The following SATB2 variants were observed in gnomAD, a reference collection of about 807,000 sequenced individuals.
The protein encoded by SATB2 is SATB homeobox 2, also known as DNA-binding protein SATB2.
SATB2 carries 1 observed loss-of-function variant against 73.4 expected under a neutral mutation model. That is an observed-to-expected ratio of 0.01 (90% CI 0.00 to 0.06). SATB2 has a LOEUF of 0.06. Ranked by LOEUF, SATB2 falls within the 10% of genes least tolerant of loss-of-function variation. SATB2 has a pLI of 1.00. For missense variants in SATB2, 459 were observed against 945.8 expected (o/e 0.49, Z 6.75); for synonymous variants, 397 against 367.0 (o/e 1.08, Z -0.93).
At chr2:199,283,720 C>T (rs191965405) in intron 10 of SATB2, among the ~76,000 whole-genome samples, 305 of 152,044 alleles carry the variant, frequency 2.0e-3, no homozygotes, top group African/African-American at 5.0e-3. Flanking sequence ...TTCACTGCCA[C>T]ACGCTCATGG....
chr2:199,403,797 G>C (rs543320701), intron 3 of SATB2, among the ~76,000 whole-genome samples: 1 of 152,172 alleles, frequency 6.6e-6, no homozygotes, highest in Non-Finnish European at 1.5e-5. Flanking sequence ...AAAGTGGCTG[G>C]ATTGGAACAC....
chr2:199,349,329 T>C (rs1688747520), intron 6 of SATB2, among the ~76,000 whole-genome samples, 156 bp from the exon 7 acceptor site: 2 of 152,220 alleles, frequency 1.3e-5, no homozygotes, highest in Non-Finnish European at 2.9e-5. Context: ...TGATATTCTT[T>C]TCTGCTAAAT....
chr2:199,293,358 G>C (rs1011814415), intron 10 of SATB2, among the ~76,000 whole-genome samples: 2 of 151,914 alleles, frequency 1.3e-5, no homozygotes, highest in African/African-American at 4.8e-5. Context: ...ATGAAAATTT[G>C]GTTGTCATAA....
At chr2:199,443,539 C>CA (rs10598063) in intron 2 of SATB2, among the ~76,000 whole-genome samples, 21,081 of 132,952 alleles carry the variant, frequency 0.16, 1,851 homozygotes, top group East Asian at 0.44. Flanking sequence ...AAAGTTATAG[C>CA]AAAAAAAAAA....
intron 2 of SATB2, among the ~76,000 whole-genome samples, chr2:199,440,852 CTT>C (rs11291122): frequency 0.06 from 8,676 of 143,512 alleles, 703 homozygotes; most frequent in African/African-American, 0.19. Context: ...ATCATAATTA[CTT>C]TTTTTTTTTT....
At chr2:199,405,606 T>C (rs1690608027) in intron 3 of SATB2, among the ~76,000 whole-genome samples, 2 of 151,942 alleles carry the variant, frequency 1.3e-5, no homozygotes, top group Non-Finnish European at 2.9e-5. Context: ...GTATGGGGAG[T>C]ACTCCACCAC....
chr2:199,318,227 TC>T (rs1384994355), intron 9 of SATB2, among the ~76,000 whole-genome samples: 1 of 151,988 alleles, frequency 6.6e-6, no homozygotes, highest in South Asian at 2.1e-4. Context: ...ACCAGAGAGC[TC>T]AGGTCAGCAA....
intron 10 of SATB2, among the ~76,000 whole-genome samples, chr2:199,302,282 A>C (rs983888764): frequency 2.6e-5 from 4 of 152,232 alleles, no homozygotes; most frequent in African/African-American, 9.6e-5. Context: ...TAAACCCAAG[A>C]TGAAAATAAC....
intron 7 of SATB2, among the ~76,000 whole-genome samples, chr2:199,334,861 T>C (rs1347601357): frequency 6.6e-6 from 1 of 152,208 alleles, no homozygotes; most frequent in South Asian, 2.1e-4. Flanking sequence ...AACAAAATCG[T>C]TTCTCTCCTA....
chr2:199,408,825 G>A (rs1392991451), intron 3 of SATB2, among the ~76,000 whole-genome samples: 1 of 152,148 alleles, frequency 6.6e-6, no homozygotes, highest in Non-Finnish European at 1.5e-5. Context: ...AAATGGTGAT[G>A]TCTACAGCCT....
Position 199,272,081 on chromosome 2 carries a change from T to C in SATB2, c.*130A>G. Reference sequence around the variant, plus strand: ...AAGGGTAAGAAAAACAAAACAGACATAAAAAGACAAAAATAAAGCCAAAAA... The same window carrying C: ...AAGGGTAAGAAAAACAAAACAGACACAAAAAGACAAAAATAAAGCCAAAAA... On this transcript the variant is annotated 3_prime_UTR_variant, in exon 11 of 11. Transcript: ENST00000417098. The surrounding 1 kb of genome is among the most constrained non-coding windows in gnomAD (Gnocchi z 6.7). 1.1e-6 allele frequency: 1 copy of C among 876,566 alleles called. No individual in the cohort carries two copies. Among genetic ancestry groups the C allele is most frequent in the Non-Finnish European group, 1.9e-6 (1 of 538,296 alleles). The allele number at this position is 876,566 out of a possible 1,614,324, so 54.3% of individuals were successfully genotyped here.
intron 3 of SATB2, among the ~76,000 whole-genome samples, chr2:199,432,270 C>G (rs1691525840): frequency 6.6e-6 from 1 of 152,142 alleles, no homozygotes; most frequent in African/African-American, 2.4e-5. Context: ...TAAAATATTT[C>G]CTAAAAAGCA....
chr2:199,443,971 T>C (rs1214898932), intron 2 of SATB2, among the ~76,000 whole-genome samples: 2 of 152,174 alleles, frequency 1.3e-5, no homozygotes, highest in Admixed American at 6.6e-5. Context: ...AAACCCAGCC[T>C]ACAGACCAGG....
chr2:199,321,421 G>GAT (rs1358235412), intron 9 of SATB2, among the ~76,000 whole-genome samples: 19 of 146,134 alleles, frequency 1.3e-4, no homozygotes, highest in Non-Finnish European at 2.1e-4. Flanking sequence ...ACACCTTATG[G>GAT]ATATATATAT....
Position 199,272,183 on chromosome 2 carries a change from G to T in SATB2, c.*28C>A. 1 of 1,587,466 alleles carries T rather than the reference G, an allele frequency of 6.3e-7. No individual in the cohort carries two copies. The highest frequency in any genetic ancestry group is 8.6e-7 in the Non-Finnish European group (1 of 1,156,456). ...GAAAGCAGAAAATCCTTGGACCGAT[G>T]TATTGCTTTGCCTAGTAGAAGTTCA... On this transcript the variant is annotated 3_prime_UTR_variant, in exon 11 of 11. Transcript: ENST00000417098. This position sits in a 1 kb window ranked among gnomAD's most constrained non-coding sequence, Gnocchi z 6.7.
At chr2:199,342,042 G>C (rs1688521091) in intron 7 of SATB2, among the ~76,000 whole-genome samples, 1 of 152,222 alleles carries the variant, frequency 6.6e-6, no homozygotes, top group Admixed American at 6.5e-5. Context: ...GTACCCATCA[G>C]ATGGTGGTAA....
At chr2:199,462,881 G>T (rs1256616442), upstream of SATB2, among the ~76,000 whole-genome samples, 4 of 150,432 alleles carry the variant, frequency 2.7e-5, no homozygotes, top group African/African-American at 4.9e-5. This position sits in a 1 kb window ranked among gnomAD's most constrained non-coding sequence, Gnocchi z 5.9. Context: ...GGGGCCGACC[G>T]TTCAGGAGCC....
chr2:199,402,968 G>A (rs1690526262), intron 3 of SATB2, among the ~76,000 whole-genome samples: 1 of 152,174 alleles, frequency 6.6e-6, no homozygotes, highest in Non-Finnish European at 1.5e-5. Flanking sequence ...CAGGTTAACT[G>A]TAATAACAAG....
At chr2:199,338,416 T>C (rs1688401107) in intron 7 of SATB2, among the ~76,000 whole-genome samples, 1 of 151,444 alleles carries the variant, frequency 6.6e-6, no homozygotes, top group Non-Finnish European at 1.5e-5. Flanking sequence ...TCTACTGAAA[T>C]ATACTCACTA....
Sources: gnomAD v4.1 joint callset for allele counts (sites outside exome capture counted in the v4.1 genomes callset) on GRCh38, gnomAD v4.1.1 for gene constraint, Gnocchi (gnomAD v3.1) non-coding constraint, MANE v1.5 for transcripts, NCBI Gene and HGNC (gene_info 2026-07-23, HGNC 2026-07-21) for gene names.